USP53: variants seen among roughly 807,000 people sequenced by gnomAD.
The protein encoded by USP53 is ubiquitin carboxyl-terminal hydrolase 53.
In USP53, 71 loss-of-function variants were observed where a neutral mutation model predicts 94.9. The observed-to-expected ratio is 0.75, with a 90% confidence interval of 0.62 to 0.91. The LOEUF (loss-of-function observed/expected upper bound fraction) is 0.91. USP53 is among the 40% of genes least tolerant of loss of function. USP53 has a pLI of 0.00. For missense variants in USP53, 1,173 were observed against 1,281.0 expected, an observed-to-expected ratio of 0.92 and a Z score of 1.29; for synonymous variants, 375 against 422.7, an observed-to-expected ratio of 0.89 and a Z score of 1.39.
intron 9 of USP53, among the ~76,000 whole-genome samples, chr4:119,257,141 G>T (rs1749871913): frequency 6.6e-6 from 1 of 152,176 alleles, no homozygotes; most frequent in African/African-American, 2.4e-5. Flanking sequence ...GTATTTGAAA[G>T]TATAAATATT....
At position 119,267,442 on chromosome 4, in the gene USP53, C is replaced by A; in HGVS notation, c.1095C>A (p.Val365=). 1 of 1,613,696 alleles carries A rather than the reference C, an allele frequency of 6.2e-7. No individual in the cohort carries two copies. The highest frequency in any genetic ancestry group is 1.7e-4 in the Middle Eastern group (1 of 6,060). Residue 365 remains valine (V), a synonymous_variant, in exon 13 of 19, where the codon GTC becomes GTA. Coordinates refer to ENST00000692078, the MANE Select transcript of USP53 (RefSeq NM_001371395.1). The stretch of plus-strand genomic sequence containing the variant: ...CTACTGAGGATGCACTCAGGCAGGT[C>A]ATCAGCTGGTCACATTACAAATCTG... ...AVSTEDALRQ[V]ISWSHYKSVA... is the part of the protein sequence containing the mutation.
At position 119,256,467 on chromosome 4, in the gene USP53, G is replaced by A. The variant is rs150650954; in HGVS notation, c.513G>A (p.Ser171=). The A allele has an allele frequency of 3.8e-5, 62 of 1,614,052 alleles. No homozygotes were observed. The East Asian group carries it at 7.8e-4, about 20-fold the overall frequency. Residue 171 remains serine, a synonymous_variant, in exon 9 of 19, where the codon TCG becomes TCA. Coordinates refer to ENST00000692078, the MANE Select transcript of USP53 (RefSeq NM_001371395.1). The part of the protein sequence containing the change: ...EQCVCRSCGA[S]SDPLPFTEFV... ...GTGTGTGTCGTAGCTGTGGAGCATC[G>A]TCAGATCCTCTACCTTTTACAGAAT...
At chr4:119,268,926 C>T (rs1332906925) in intron 14 of USP53, among the ~76,000 whole-genome samples, 1 of 152,184 alleles carries the variant, frequency 6.6e-6, no homozygotes, top group African/African-American at 2.4e-5. Flanking sequence ...CCTCACAATA[C>T]TGTGTACCAT....
chr4:119,292,479 G>A lies in USP53; in HGVS notation c.2490G>A (p.Trp830Ter), dbSNP rs1754867293. 1 of 1,613,824 alleles carries A rather than the reference G, an allele frequency of 6.2e-7. No homozygotes were observed. Among genetic ancestry groups the A allele is most frequent in the Non-Finnish European group, 8.5e-7 (1 of 1,179,914 alleles). The change falls in exon 19 of 19, where the codon TGG becomes TGA. Residue 830 changes from tryptophan (W) to a stop codon, truncating the protein, a stop_gained. Coordinates refer to ENST00000692078, the MANE Select transcript of USP53 (RefSeq NM_001371395.1). LOFTEE classifies it low-confidence loss of function (END_TRUNC). ...EKPNECKFSE[W>*]LNIENSERTG... is the part of the protein sequence containing the mutation. ...CGAATGAATGCAAATTTTCTGAGTG[G>A]CTTAATATAGAAAATTCTGAGAGAA...
chr4:119,266,497 T>G (rs1442865545), intron 12 of USP53, among the ~76,000 whole-genome samples: 1 of 152,236 alleles, frequency 6.6e-6, no homozygotes, highest in African/African-American at 2.4e-5. Flanking sequence ...CTCGTGTATG[T>G]ATAATATTAT....
At chr4:119,223,116 A>G (rs1744770104) in intron 3 of USP53, among the ~76,000 whole-genome samples, 1 of 152,210 alleles carries the variant, frequency 6.6e-6, no homozygotes, top group Non-Finnish European at 1.5e-5. Flanking sequence ...AGTTTATTAC[A>G]AATGTATCTT....
intron 9 of USP53, 42 bp downstream of exon 9, chr4:119,256,565 C>T (rs7668427): frequency 1.9e-6 from 3 of 1,575,354 alleles, no homozygotes; most frequent in African/African-American, 2.7e-5. Flanking sequence ...ATATTAATAA[C>T]ATATTTAAGC....
At chr4:119,230,793 A>G (rs1745958948) in intron 3 of USP53, among the ~76,000 whole-genome samples, 1 of 152,160 alleles carries the variant, frequency 6.6e-6, no homozygotes, top group South Asian at 2.1e-4. Flanking sequence ...ATGCATATTC[A>G]ACCACTGGGT....
intron 5 of USP53, among the ~76,000 whole-genome samples, chr4:119,242,350 G>A (rs1747658325): frequency 6.6e-6 from 1 of 152,110 alleles, no homozygotes; most frequent in Admixed American, 6.5e-5. Flanking sequence ...TTTAAACTTT[G>A]TTAGGCGGGA....
chr4:119,269,736 C>T lies in USP53; in HGVS notation c.1334C>T (p.Ser445Phe), dbSNP rs1751614510. Residue 445 changes from serine (S) to phenylalanine (F), a missense_variant, in exon 15 of 19, where the codon TCC (serine) becomes TTC (phenylalanine). By Grantham distance (155) the Ser-to-Phe change is radical. Coordinates refer to ENST00000692078, the MANE Select transcript of USP53 (RefSeq NM_001371395.1). Reference protein sequence around the residue: ...IDQREKIKDISRECALKAIEQ... With the variant: ...IDQREKIKDIFRECALKAIEQ... ...CAAAGGGAAAAGATAAAAGACATTTCCAGAGAATGTGCTCTGAAAGCTATT... is the reference window on the plus strand; with the variant it reads ...CAAAGGGAAAAGATAAAAGACATTTTCAGAGAATGTGCTCTGAAAGCTATT... The T allele has an allele frequency of 1.3e-6, 2 of 1,499,790 alleles. No homozygotes were observed. The highest frequency in any genetic ancestry group is 1.4e-5 in the African/African-American group (1 of 70,100). The allele number at this position is 1,499,790 out of a possible 1,614,324, so 92.9% of individuals were successfully genotyped here.
At chr4:119,258,184 T>C (rs1175219993) in intron 9 of USP53, among the ~76,000 whole-genome samples, 1 of 152,194 alleles carries the variant, frequency 6.6e-6, no homozygotes, top group African/African-American at 2.4e-5. Flanking sequence ...TGAATTAAGA[T>C]TGAAACCCAG....
intron 9 of USP53, among the ~76,000 whole-genome samples, chr4:119,258,951 A>G (rs1190681435): frequency 6.6e-6 from 1 of 152,202 alleles, no homozygotes; most frequent in East Asian, 1.9e-4. Context: ...GTTACCCTGT[A>G]GTGTATTAAA....
intron 3 of USP53, among the ~76,000 whole-genome samples, chr4:119,226,563 A>T (rs890169519): frequency 2.0e-5 from 3 of 152,194 alleles, no homozygotes; most frequent in Admixed American, 1.3e-4. Context: ...ATATATATGT[A>T]TAACCTGTAC....
chr4:119,271,327 A>G lies in USP53; in HGVS notation c.1467A>G (p.Gln489=), dbSNP rs780789039. ...TTGATGAAGACCTTTCACATTTCCA[A>G]TCTGGATCACCTCCTGCCCCAAATG... ...DLVDEDLSHF[Q]SGSPPAPNGF... Residue 489 remains glutamine (Q), a synonymous_variant, in exon 16 of 19, where the codon CAA becomes CAG. Coordinates refer to ENST00000692078, the MANE Select transcript of USP53 (RefSeq NM_001371395.1). 1.6e-5 allele frequency: 25 copies of G among 1,572,272 alleles called. No individual in the cohort carries two copies. Among genetic ancestry groups the G allele is most frequent in the African/African-American group, 6.9e-5 (5 of 72,570 alleles).
chr4:119,264,728 C>T (rs1245952379), intron 12 of USP53, among the ~76,000 whole-genome samples: 1 of 152,146 alleles, frequency 6.6e-6, no homozygotes, highest in African/African-American at 2.4e-5. Context: ...GTTGATGGAA[C>T]CACAAAATTG....
intron 17 of USP53, among the ~76,000 whole-genome samples, chr4:119,287,813 C>G (rs1449557219): frequency 1.3e-5 from 2 of 152,140 alleles, no homozygotes; most frequent in African/African-American, 4.8e-5. Context: ...AGTATAATGT[C>G]TTTGTATGTT....
chr4:119,285,910 G>C (rs1726663664), intron 17 of USP53, among the ~76,000 whole-genome samples: 1 of 151,696 alleles, frequency 6.6e-6, no homozygotes, highest in Non-Finnish European at 1.5e-5. Flanking sequence ...AAACTTCTGG[G>C]ATTGAAATTT....
chr4:119,261,889 A>G, intron 12 of USP53, 25 bp downstream of exon 12: 1 of 1,425,172 alleles, frequency 7.0e-7, no homozygotes, highest in Non-Finnish European at 9.3e-7. Context: ...CTTTAATTGA[A>G]ATAATTACTG....
intron 17 of USP53, 32 bp downstream of exon 17, chr4:119,273,740 G>A (rs781110931): frequency 2.1e-5 from 32 of 1,542,390 alleles, no homozygotes; most frequent in Non-Finnish European, 2.6e-5. Context: ...AATAGTTGCT[G>A]TAAAAAATGA....
Sources: allele counts gnomAD v4.1 joint callset (sites outside exome capture counted in the v4.1 genomes callset), GRCh38; gene constraint gnomAD v4.1.1; transcripts MANE v1.5; gene names NCBI Gene and HGNC (gene_info 2026-07-23, HGNC 2026-07-21).